MOCS2: variants seen among roughly 807,000 people sequenced by gnomAD.
The protein encoded by MOCS2 is molybdenum cofactor synthesis 2, also known as molybdopterin synthase catalytic subunit.
MOCS2 carries 13 observed loss-of-function variants against 21.9 expected under a neutral mutation model. The ratio of observed to expected loss-of-function variants is 0.59; its 90% CI spans 0.39 to 0.94. The LOEUF is 0.94. MOCS2 is among the 40% of genes least tolerant of loss of function. The probability of loss-of-function intolerance (pLI) is 0.00; values close to 1 mark genes in which losing one functional copy is unlikely to be tolerated. For missense variants in MOCS2, 227 were observed against 218.3 expected, an observed-to-expected ratio of 1.04 and a Z score of -0.25; for synonymous variants, 92 against 80.8, an observed-to-expected ratio of 1.14 and a Z score of -0.74.
At chr5:53,101,705 A>C (rs941139055) in intron 4 of MOCS2, among the ~76,000 whole-genome samples, 196 bp from the exon 5 acceptor site, 1 of 152,246 alleles carries the variant, frequency 6.6e-6, no homozygotes, top group African/African-American at 2.4e-5. Context: ...AGATCTTCAC[A>C]AAGATGAGCA....
At chr5:53,101,863 C>G (rs1375693692) in intron 4 of MOCS2, among the ~76,000 whole-genome samples, 2 of 152,180 alleles carry the variant, frequency 1.3e-5, no homozygotes, top group Admixed American at 6.5e-5. Context: ...CTAGAATTCT[C>G]TCTCCTAACA....
chr5:53,106,611 C>T (rs1741055846), intron 3 of MOCS2, among the ~76,000 whole-genome samples: 1 of 152,116 alleles, frequency 6.6e-6, no homozygotes, highest in Admixed American at 6.6e-5. Flanking sequence ...AGACTTAATA[C>T]CTGGGTGACA....
At position 53,109,615 on chromosome 5, in the gene MOCS2, C is replaced by A; in HGVS notation, c.-534G>T. On this transcript the variant is annotated 5_prime_UTR_variant, in exon 1 of 7. The change creates a premature stop within an existing upstream ORF in the 5' untranslated region. Transcript: ENST00000396954. The stretch of plus-strand genomic sequence containing the variant: ...CAGGTTGGGGGCTAGTGGGGAGGTC[C>A]GACTGACCAAGGCTGGGTATGTGGA... The A allele has an allele frequency of 2.6e-6, 4 of 1,517,156 alleles. No individual in the cohort carries two copies. The highest frequency in any genetic ancestry group is 3.5e-6 in the Non-Finnish European group (4 of 1,126,854). The allele number at this position is 1,517,156 out of a possible 1,614,324, so 94.0% of individuals were successfully genotyped here. A position where few individuals can be genotyped will look rare whatever the true frequency, so the allele number is the denominator to read the frequency against.
rs748961784 is a variant in MOCS2, at chr5:53,108,614, A to T, written c.-140T>A. 6.2e-7 allele frequency: 1 copy of T among 1,613,564 alleles called. No individual in the cohort carries two copies. Among genetic ancestry groups the T allele is most frequent in the African/African-American group, 1.3e-5 (1 of 74,926 alleles). ...TCTCTGAACGAACTCCTGTTATTTC[A>T]GCACTTTTTGCAAAATACAATACTT... On this transcript the variant is annotated 5_prime_UTR_variant, in exon 2 of 7. Coordinates refer to ENST00000396954, the MANE Select transcript of MOCS2 (RefSeq NM_004531.5).
rs201255995 is a variant in MOCS2, at chr5:53,102,243, C to T, written c.99-19G>A. ...ATCTTTCCTAGAAATAATACATTAA[C>T]AAACCTTAACAGAAGTCCTAGGGGT... On this transcript the variant is annotated intron_variant, in intron 3 of 6. Coordinates refer to ENST00000396954, the MANE Select transcript of MOCS2 (RefSeq NM_004531.5). 2 of 1,606,916 alleles carry T rather than the reference C, an allele frequency of 1.2e-6. No homozygotes were observed. Among genetic ancestry groups the T allele is most frequent in the East Asian group, 4.5e-5 (2 of 44,794 alleles).
chr5:53,099,947 T>C (rs1370576696), intron 6 of MOCS2, among the ~76,000 whole-genome samples: 1 of 152,162 alleles, frequency 6.6e-6, no homozygotes, highest in Non-Finnish European at 1.5e-5. Context: ...AAGTTCCTAT[T>C]TCTGTTTTTA....
chr5:53,099,369 T>TCCCTGGTGAAGAAAGCTAC (rs1740843077), intron 6 of MOCS2, among the ~76,000 whole-genome samples: 1 of 152,164 alleles, frequency 6.6e-6, no homozygotes, highest in Non-Finnish European at 1.5e-5. Context: ...CACCCTTTCC[T>TCCCTGGTGAAGAAAGCTAC]CCCTGGTGAA....
rs1320544589 is a variant in MOCS2, at chr5:53,101,354, C to G, written c.377+5G>C. On this transcript the variant is annotated splice_donor_5th_base_variant and intron_variant, in intron 5 of 6. Transcript: ENST00000396954. ...TAACTTTTAGAGTGATAAAGGAAAT[C>G]ATACCCAAGTCTATGGAACACTGCT... 2 of 1,613,578 alleles carry G rather than the reference C, an allele frequency of 1.2e-6. No individual in the cohort carries two copies. Among genetic ancestry groups the G allele is most frequent in the African/African-American group, 2.7e-5 (2 of 74,998 alleles).
intron 3 of MOCS2, among the ~76,000 whole-genome samples, chr5:53,104,819 TA>T: frequency 6.6e-6 from 1 of 152,320 alleles, no homozygotes; most frequent in Middle Eastern, 3.4e-3. Context: ...TGATTTTGAA[TA>T]AAAATCCTAT....
intron 3 of MOCS2, among the ~76,000 whole-genome samples, chr5:53,106,728 A>G (rs1286683325): frequency 6.6e-6 from 1 of 152,208 alleles, no homozygotes; most frequent in East Asian, 1.9e-4. Flanking sequence ...GTGATTAGCT[A>G]TGTGATCAAA....
At chr5:53,106,729 T>C (rs1741059638) in intron 3 of MOCS2, among the ~76,000 whole-genome samples, 1 of 152,214 alleles carries the variant, frequency 6.6e-6, no homozygotes, top group Non-Finnish European at 1.5e-5. Context: ...TGATTAGCTA[T>C]GTGATCAAAG....
Position 53,108,601 on chromosome 5 carries a change from C to G in MOCS2, c.-127G>C, listed in dbSNP as rs759021832. 6.2e-7 allele frequency: 1 copy of G among 1,613,696 alleles called. No homozygotes were observed. The highest frequency in any genetic ancestry group is 8.5e-7 in the Non-Finnish European group (1 of 1,179,726). ...GGCACAGAAATGGTCTCTGAACGAA[C>G]TCCTGTTATTTCAGCACTTTTTGCA... On this transcript the variant is annotated 5_prime_UTR_variant, in exon 2 of 7. Coordinates refer to ENST00000396954, the MANE Select transcript of MOCS2 (RefSeq NM_004531.5).
chr5:53,101,207 A>G, intron 5 of MOCS2, 152 bp downstream of exon 5: 1 of 819,074 alleles, frequency 1.2e-6, no homozygotes, highest in Non-Finnish European at 2.0e-6. Flanking sequence ...CCCTAAAGGT[A>G]CTAACAGCCA....
chr5:53,103,648 G>C (rs1253568786), intron 3 of MOCS2, among the ~76,000 whole-genome samples: 1 of 152,176 alleles, frequency 6.6e-6, no homozygotes, highest in African/African-American at 2.4e-5. Flanking sequence ...AGGGGAGAAA[G>C]AAGCTCAAGC....
In MOCS2 at chr5:53,109,748, A is replaced by G; in HGVS notation, c.-667T>C. ...GCACCATCCCGCCTAGGACAGCGGG[A>G]CCGAATCACGGCCGCAAAGGCGCAG... On this transcript the variant is annotated 5_prime_UTR_variant, in exon 1 of 7. Coordinates refer to ENST00000396954, the MANE Select transcript of MOCS2 (RefSeq NM_004531.5). The G allele has an allele frequency of 6.5e-7, 1 of 1,548,614 alleles. No individual in the cohort carries two copies. The highest frequency in any genetic ancestry group is 8.7e-7 in the Non-Finnish European group (1 of 1,146,572).
At chr5:53,106,836 G>A (rs1030475453) in intron 3 of MOCS2, among the ~76,000 whole-genome samples, 1 of 152,038 alleles carries the variant, frequency 6.6e-6, no homozygotes, top group African/African-American at 2.4e-5. Flanking sequence ...AATAAACCAT[G>A]TTAAATGAAA....
chr5:53,098,474 T>C lies in MOCS2; in HGVS notation c.*128A>G, dbSNP rs532148196. On this transcript the variant is annotated 3_prime_UTR_variant, in exon 7 of 7. Transcript: ENST00000396954. The stretch of plus-strand genomic sequence containing the variant: ...ATTTATCTTGCTTCCTTTTTCTCCC[T>C]TTTGTCCCACTAGTATAAGAGATTG... 8.4e-5 allele frequency: 68 copies of C among 805,250 alleles called. No homozygotes were observed. The Admixed American group carries it at 1.2e-3, about 14-fold the overall frequency. 49.9% of individuals were successfully genotyped at this position (805,250 alleles called of 1,614,324 possible). A position where few individuals can be genotyped will look rare whatever the true frequency, so the allele number is the denominator to read the frequency against.
chr5:53,102,304 T>A, intron 3 of MOCS2, 80 bp from the exon 4 acceptor site: 1 of 1,342,492 alleles, frequency 7.4e-7, no homozygotes, highest in Non-Finnish European at 1.0e-6. Flanking sequence ...TTTCAATTTA[T>A]ATTTTTTTCT....
rs770056968 is a variant in MOCS2 at position 53,096,198 on chromosome 5, CTGTG to C, written c.*2400_*2403del. 1 of 152,198 alleles carries C rather than the reference CTGTG, an allele frequency of 6.6e-6. No individual in the cohort carries two copies. The highest frequency in any genetic ancestry group is 1.5e-5 in the Non-Finnish European group (1 of 68,028). The allele number at this position is 152,198 out of a possible 1,614,324, so 9.4% of individuals were successfully genotyped here. On this transcript the variant is annotated 3_prime_UTR_variant, in exon 7 of 7. Transcript: ENST00000396954. The stretch of plus-strand genomic sequence containing the variant: ...CTTCACTGTACCAGGTGCTCAGTAA[CTGTG>C]TAAGATGTCTAAATCACTTATTTCT...
Sources: allele counts gnomAD v4.1 joint callset (sites outside exome capture counted in the v4.1 genomes callset), GRCh38; gene constraint gnomAD v4.1.1; transcripts MANE v1.5; gene names NCBI Gene and HGNC (gene_info 2026-07-23, HGNC 2026-07-21).